ANK2: variants seen among roughly 807,000 people sequenced by gnomAD.
ANK2 encodes the protein ankyrin 2.
In ANK2, 83 loss-of-function variants were observed where a neutral mutation model predicts 360.5. That is an observed-to-expected ratio of 0.23 (90% CI 0.19 to 0.28). ANK2 has a LOEUF of 0.28. ANK2 is among the 10% of genes least tolerant of loss of function. The pLI, the probability that ANK2 is intolerant of heterozygous loss-of-function variation, is 1.00. For synonymous variants in ANK2, 1,740 were observed against 1,759.5 expected (o/e 0.99, Z 0.28); for missense variants, 4,201 against 4,795.7 (o/e 0.88, Z 3.66).
At chr4:113,292,321 T>C in intron 20 of ANK2, 95 bp from the exon 21 acceptor site, 1 of 1,124,122 alleles carries the variant, frequency 8.9e-7, no homozygotes, top group Non-Finnish European at 1.3e-6. Flanking sequence ...TGTGATGGTT[T>C]TGTTGTAAAT....
intron 1 of ANK2, among the ~76,000 whole-genome samples, chr4:113,157,961 TGTG>T (rs2097364515): frequency 6.6e-6 from 1 of 152,326 alleles, no homozygotes; most frequent in South Asian, 2.1e-4. Context: ...CTATTAATAT[TGTG>T]GTAAAAGGTG....
chr4:113,210,960 A>G (rs1562916093), intron 4 of ANK2, among the ~76,000 whole-genome samples: 1 of 152,216 alleles, frequency 6.6e-6, no homozygotes, highest in African/African-American at 2.4e-5. Flanking sequence ...TCAAATCTAA[A>G]TTTGCATTCA....
At chr4:112,818,595 A>G (rs2149493057) in intron 1 of ANK2, among the ~76,000 whole-genome samples, 1 of 152,294 alleles carries the variant, frequency 6.6e-6, no homozygotes, top group East Asian at 1.9e-4. Context: ...TCCCTGTATG[A>G]TAAGCAGGGA....
At chr4:112,977,575 T>A (rs7678761) in intron 2 of ANK2, among the ~76,000 whole-genome samples, 49,797 of 151,258 alleles carry the variant, frequency 0.33, 8,754 homozygotes, top group African/African-American at 0.45. Context: ...ATTTTATTTT[T>A]TTTTTTTACT....
chr4:113,033,491 C>T (rs1460884241), intron 2 of ANK2, among the ~76,000 whole-genome samples: 4 of 151,912 alleles, frequency 2.6e-5, no homozygotes, highest in South Asian at 2.1e-4. Flanking sequence ...AAACAAAACT[C>T]GTCACACATC....
chr4:112,991,971 C>T (rs1421072178), intron 2 of ANK2, among the ~76,000 whole-genome samples: 1 of 151,944 alleles, frequency 6.6e-6, no homozygotes, highest in Non-Finnish European at 1.5e-5. Context: ...ACATTTTGTA[C>T]ATTATTTTAC....
At chr4:113,334,390 G>A (rs1271091405) in intron 29 of ANK2, among the ~76,000 whole-genome samples, 1 of 152,036 alleles carries the variant, frequency 6.6e-6, no homozygotes, top group African/African-American at 2.4e-5. Context: ...TTTAGGTTTA[G>A]GATATTTTCC....
At chr4:113,187,321 A>G (rs967388191) in intron 2 of ANK2, among the ~76,000 whole-genome samples, 1 of 152,230 alleles carries the variant, frequency 6.6e-6, no homozygotes, top group Non-Finnish European at 1.5e-5. Flanking sequence ...TTTATCAGAA[A>G]GTTGAGAATA....
At chr4:113,024,667 C>T (rs1579311149) in intron 2 of ANK2, among the ~76,000 whole-genome samples, 2 of 152,164 alleles carry the variant, frequency 1.3e-5, no homozygotes, top group South Asian at 2.1e-4. Flanking sequence ...TCCTTAAAGA[C>T]TCCAATGGCA....
chr4:112,974,469 C>T (rs923116212), intron 2 of ANK2, among the ~76,000 whole-genome samples: 4 of 152,064 alleles, frequency 2.6e-5, no homozygotes. Flanking sequence ...CATCAAAAAA[C>T]AGAATTGTAA....
At position 113,354,005 on chromosome 4, in the gene ANK2, A is replaced by G; in HGVS notation, c.5387A>G (p.Asp1796Gly). The part of the protein sequence containing the change: ...KLPIRVKGKE[D>G]VPKKTTHRPH... Reference sequence around the variant, plus strand: ...CCCATCAGAGTCAAAGGCAAGGAGGACGTGCCAAAAAAGACCACCCACAGG... The same window carrying G: ...CCCATCAGAGTCAAAGGCAAGGAGGGCGTGCCAAAAAAGACCACCCACAGG... Residue 1796 changes from aspartate to glycine, a missense_variant, in exon 38 of 46, where the codon GAC becomes GGC. Coordinates refer to ENST00000357077, the MANE Select transcript of ANK2 (RefSeq NM_001148.6). 1 of 1,614,092 alleles carries G rather than the reference A, an allele frequency of 6.2e-7. No homozygotes were observed. The highest frequency in any genetic ancestry group is 8.5e-7 in the Non-Finnish European group (1 of 1,179,992).
At chr4:112,872,156 A>C (rs948634777) in intron 1 of ANK2, among the ~76,000 whole-genome samples, 3 of 151,212 alleles carry the variant, frequency 2.0e-5, no homozygotes, top group Non-Finnish European at 4.4e-5. Flanking sequence ...CTTCCTTAGT[A>C]ACTGGGACCA....
intron 4 of ANK2, among the ~76,000 whole-genome samples, chr4:113,202,601 T>A (rs2098846736): frequency 6.6e-6 from 1 of 152,244 alleles, no homozygotes; most frequent in Non-Finnish European, 1.5e-5. Flanking sequence ...GCAAACAGAC[T>A]GCTAAAGTTA....
intron 1 of ANK2, among the ~76,000 whole-genome samples, chr4:112,822,645 G>A (rs2057447209): frequency 6.6e-6 from 1 of 151,158 alleles, no homozygotes; most frequent in African/African-American, 2.4e-5. Flanking sequence ...ACTAGGAGGG[G>A]TGAGGTAGGA....
At chr4:112,844,473 A>G (rs1161443949) in intron 1 of ANK2, among the ~76,000 whole-genome samples, 1 of 152,216 alleles carries the variant, frequency 6.6e-6, no homozygotes, top group African/African-American at 2.4e-5. Context: ...TTTATCAGGA[A>G]CTGTGCCAAT....
intron 21 of ANK2, 35 bp from the exon 22 acceptor site, chr4:113,293,405 T>C (rs1248618485): frequency 1.0e-5 from 16 of 1,581,730 alleles, no homozygotes; most frequent in African/African-American, 2.7e-5. Flanking sequence ...TCCTCTCTCT[T>C]ATTTCTCACT....
chr4:113,288,422 A>G lies in ANK2; in HGVS notation c.2213A>G (p.Tyr738Cys), dbSNP rs2065836201. 1.2e-6 allele frequency: 2 copies of G among 1,614,004 alleles called. No homozygotes were observed. The highest frequency in any genetic ancestry group is 1.7e-6 in the Non-Finnish European group (2 of 1,179,928). Residue 738 changes from tyrosine (Y) to cysteine (C), a missense_variant, in exon 20 of 46, where the codon TAT becomes TGT. Physicochemically the swap from Tyr to Cys is radical, Grantham distance 194. This residue lies in a region of ANK2 where 1,268 missense variants were observed against 1,650.8 expected (regional missense o/e 0.77). Coordinates refer to ENST00000357077, the MANE Select transcript of ANK2 (RefSeq NM_001148.6). ...ACACCTTTAATTGTGGCCTGTCACT[A>G]TGGAAATGTGAAAATGGTCAACTTT... ...GYTPLIVACH[Y>C]GNVKMVNFLL...
chr4:113,173,460 C>T (rs1246924454), intron 1 of ANK2, among the ~76,000 whole-genome samples: 1 of 152,118 alleles, frequency 6.6e-6, no homozygotes, highest in African/African-American at 2.4e-5. Flanking sequence ...TTTCATGCCT[C>T]CATTTTCTCT....
chr4:112,727,899 C>A, the ANK2 span, among the ~76,000 whole-genome samples: 1 of 152,026 alleles, frequency 6.6e-6, no homozygotes, highest in Admixed American at 6.6e-5. Context: ...ATTGCTTGCA[C>A]GCGGGAGGCG....
Sources: allele counts gnomAD v4.1 joint callset (sites outside exome capture counted in the v4.1 genomes callset), GRCh38; gene constraint gnomAD v4.1.1; regional missense constraint gnomAD v4.1.1; transcripts MANE v1.5; gene names NCBI Gene and HGNC (gene_info 2026-07-23, HGNC 2026-07-21).